CCDC66: variants seen among roughly 807,000 people sequenced by gnomAD.
CCDC66 encodes the protein coiled-coil domain containing 66, also known as coiled-coil domain-containing protein 66.
A neutral mutation model predicts 128.3 loss-of-function variants in CCDC66; 133 were observed. The ratio of observed to expected loss-of-function variants is 1.04; its 90% confidence interval spans 0.90 to 1.20. The LOEUF (loss-of-function observed/expected upper bound fraction) is 1.20. Ranked by LOEUF, CCDC66 falls within the 50% of genes most tolerant of loss-of-function variation. The pLI is 0.00. For missense variants in CCDC66, 1,126 were observed against 1,075.5 expected (o/e 1.05, Z -0.66); for synonymous variants, 387 against 357.0 (o/e 1.08, Z -0.95).
At chr3:56,605,464 A>C (rs1339969911) in intron 10 of CCDC66, among the ~76,000 whole-genome samples, 2 of 152,056 alleles carry the variant, frequency 1.3e-5, no homozygotes, top group East Asian at 3.9e-4. Flanking sequence ...CTGAGTGGAC[A>C]TCCTTTTTGT....
intron 10 of CCDC66, among the ~76,000 whole-genome samples, chr3:56,599,450 T>C (rs1168933475): frequency 6.6e-6 from 1 of 152,082 alleles, no homozygotes; most frequent in Non-Finnish European, 1.5e-5. Flanking sequence ...ATTTGGGGTT[T>C]GTTCTTTTCT....
intron 7 of CCDC66, among the ~76,000 whole-genome samples, chr3:56,577,834 G>C (rs1429492880): frequency 1.3e-5 from 2 of 151,842 alleles, no homozygotes; most frequent in African/African-American, 4.8e-5. Flanking sequence ...TTGTAGTGTA[G>C]TTTGAAGTGA....
intron 1 of CCDC66, chr3:56,557,640 G>T: frequency 4.3e-6 from 1 of 230,750 alleles, no homozygotes; most frequent in Non-Finnish European, 8.5e-6. Flanking sequence ...CTTGTTTTTG[G>T]AGTCTTGCAG....
chr3:56,589,900 G>A (rs2070555261), intron 7 of CCDC66, among the ~76,000 whole-genome samples: 1 of 152,116 alleles, frequency 6.6e-6, no homozygotes, highest in Non-Finnish European at 1.5e-5. Flanking sequence ...CATGAGAAAC[G>A]GATTTTTAGC....
Position 56,617,523 on chromosome 3 carries a change from A to T in CCDC66, c.2255A>T (p.Gln752Leu). ...AAAAATAATCCTGGGCACCTCTCTC[A>T]AAACAGAGGCATTTCACCAGAAATT... ...VEKNNPGHLS[Q>L]NRGISPEIFH... Residue 752 changes from glutamine to leucine, a missense_variant, in exon 14 of 18, where the codon CAA becomes CTA. Physicochemically the swap from Gln to Leu is moderately radical, Grantham distance 113. Transcript: ENST00000394672. 6.2e-7 allele frequency: 1 copy of T among 1,612,532 alleles called. No individual in the cohort carries two copies. Among genetic ancestry groups the T allele is most frequent in the Non-Finnish European group, 8.5e-7 (1 of 1,179,666 alleles).
chr3:56,581,891 G>A (rs1461657811), intron 7 of CCDC66, among the ~76,000 whole-genome samples: 1 of 151,866 alleles, frequency 6.6e-6, no homozygotes, highest in Non-Finnish European at 1.5e-5. Context: ...CAGTCTGTCC[G>A]TTCTCAGATC....
intron 10 of CCDC66, among the ~76,000 whole-genome samples, chr3:56,608,139 T>C (rs2074315071): frequency 6.6e-6 from 1 of 152,186 alleles, no homozygotes; most frequent in Admixed American, 6.5e-5. Context: ...AGGGTGATGC[T>C]GGCTTCATAG....
chr3:56,602,861 G>A (rs2073426443), intron 10 of CCDC66, among the ~76,000 whole-genome samples: 1 of 136,854 alleles, frequency 7.3e-6, no homozygotes, highest in Admixed American at 7.7e-5. Context: ...TTGAGACAGA[G>A]TGTTGCTCTG....
At chr3:56,559,135 A>G (rs1001486613) in intron 2 of CCDC66, among the ~76,000 whole-genome samples, 3 of 152,166 alleles carry the variant, frequency 2.0e-5, no homozygotes, top group Admixed American at 6.6e-5. Context: ...ATGTTCCAGT[A>G]TATTGCGTGT....
chr3:56,581,887 G>C (rs1372454423), intron 7 of CCDC66, among the ~76,000 whole-genome samples: 2 of 151,892 alleles, frequency 1.3e-5, no homozygotes, highest in Non-Finnish European at 2.9e-5. Flanking sequence ...GAGGCAGTCT[G>C]TCCGTTCTCA....
At chr3:56,602,048 G>A (rs531541669) in intron 10 of CCDC66, among the ~76,000 whole-genome samples, 33 of 152,040 alleles carry the variant, frequency 2.2e-4, no homozygotes, top group African/African-American at 7.2e-4. Context: ...GCCTTTTGCC[G>A]TTTTTCAAGG....
At chr3:56,560,797 A>G in intron 3 of CCDC66, 1 of 428,378 alleles carries the variant, frequency 2.3e-6, no homozygotes, top group Non-Finnish European at 4.6e-6. Context: ...TAATTTTTAG[A>G]TTAATATCAG....
rs77240887 is a variant in CCDC66, at chr3:56,617,461, A to G, written c.2193A>G (p.Lys731=). 1 of 1,613,952 alleles carries G rather than the reference A, an allele frequency of 6.2e-7. No homozygotes were observed. Among genetic ancestry groups the G allele is most frequent in the Non-Finnish European group, 8.5e-7 (1 of 1,179,976 alleles). ...KQLQKQREEK[K]VRRQMELLHL... The stretch of plus-strand genomic sequence containing the variant: ...TTCAAAAGCAGAGAGAAGAAAAAAA[A>G]GTAAGGAGGCAGATGGAATTGCTTC... The change falls in exon 14 of 18, where the codon AAA becomes AAG. Residue 731 remains lysine, a synonymous_variant. Coordinates refer to ENST00000394672, the MANE Select transcript of CCDC66 (RefSeq NM_001141947.3).
At chr3:56,592,734 T>C (rs144555696) in intron 7 of CCDC66, among the ~76,000 whole-genome samples, 19 of 152,244 alleles carry the variant, frequency 1.2e-4, no homozygotes, top group African/African-American at 3.4e-4. Flanking sequence ...TTCCCTTCCC[T>C]TACACTTAGA....
intron 10 of CCDC66, among the ~76,000 whole-genome samples, chr3:56,597,948 A>G (rs1192759301): frequency 6.7e-6 from 1 of 149,570 alleles, no homozygotes; most frequent in Admixed American, 6.7e-5. Flanking sequence ...TAATTTTTGT[A>G]TTTTTTTAGT....
In CCDC66 at chr3:56,621,529, C is replaced by T. The variant is rs772816378; in HGVS notation, c.2761-3C>T. 5 of 1,579,446 alleles carry T rather than the reference C, an allele frequency of 3.2e-6. No homozygotes were observed. Among genetic ancestry groups the T allele is most frequent in the African/African-American group, 1.4e-5 (1 of 73,606 alleles). On this transcript the variant is annotated splice_polypyrimidine_tract_variant and splice_region_variant and intron_variant, in intron 17 of 17. Coordinates refer to ENST00000394672, the MANE Select transcript of CCDC66 (RefSeq NM_001141947.3). The stretch of plus-strand genomic sequence containing the variant: ...TAACAAACATATATCAATGTGATTT[C>T]AGGGCCTTCTCCAGAAGCAAAAGGA...
intron 10 of CCDC66, among the ~76,000 whole-genome samples, chr3:56,611,032 G>A (rs974220308): frequency 2.0e-5 from 3 of 152,122 alleles, no homozygotes; most frequent in African/African-American, 7.2e-5. Flanking sequence ...CTCTATTTTT[G>A]TGCTGGTTGG....
chr3:56,616,000 T>C lies in CCDC66; in HGVS notation c.1790T>C (p.Met597Thr), dbSNP rs1346332871. ...GATTCTGATGAAATCAGTGGTAAAA[T>C]GAATACATATATGAATTCTACGACT... The part of the protein sequence containing the change: ...RHDSDEISGK[M>T]NTYMNSTTSK... Residue 597 changes from methionine to threonine, a missense_variant, in exon 13 of 18, where the codon ATG (methionine) becomes ACG (threonine). Physicochemically the swap from Met to Thr is moderately conservative, Grantham distance 81 (BLOSUM62 -1). Coordinates refer to ENST00000394672, the MANE Select transcript of CCDC66 (RefSeq NM_001141947.3). 1 of 1,588,012 alleles carries C rather than the reference T, an allele frequency of 6.3e-7. No individual in the cohort carries two copies.
chr3:56,609,792 A>G lies in CCDC66; in HGVS notation c.1405-3797A>G, dbSNP rs946928036. 5.9e-5 allele frequency among the ~76,000 whole-genome samples: 9 copies of G among 152,244 alleles called. 1 individual carries two copies. The highest frequency in any genetic ancestry group is 1.3e-4 in the Admixed American group (2 of 15,298). On this transcript the variant is annotated intron_variant, in intron 10 of 17. Coordinates refer to ENST00000394672, the MANE Select transcript of CCDC66 (RefSeq NM_001141947.3). Reference sequence around the variant, plus strand: ...CAGTTCTTTTAGTGGTGGCTTGGTAATGGCGAATTCTCTCAGCATTTGTCT... The same window carrying G: ...CAGTTCTTTTAGTGGTGGCTTGGTAGTGGCGAATTCTCTCAGCATTTGTCT...
Sources: allele counts gnomAD v4.1 joint callset (sites outside exome capture counted in the v4.1 genomes callset), GRCh38; gene constraint gnomAD v4.1.1; transcripts MANE v1.5; gene names NCBI Gene and HGNC (gene_info 2026-07-23, HGNC 2026-07-21).